The following BEND6 variants were observed in gnomAD, a reference collection of about 807,000 sequenced individuals.
The protein encoded by BEND6 is BEN domain containing 6.
In BEND6, 24 loss-of-function variants were observed where a neutral mutation model predicts 31.8. The observed-to-expected ratio is 0.75, with a 90% confidence interval of 0.55 to 1.06. The LOEUF (loss-of-function observed/expected upper bound fraction) is 1.06. BEND6 is among the 50% of genes least tolerant of loss of function. The pLI is 0.00. For synonymous variants in BEND6, 109 were observed against 114.6 expected (o/e 0.95, Z 0.31); for missense variants, 294 against 327.4 (o/e 0.90, Z 0.79).
At chr6:56,988,610 C>A (rs1826375285) in intron 2 of BEND6, among the ~76,000 whole-genome samples, 1 of 152,068 alleles carries the variant, frequency 6.6e-6, no homozygotes, top group South Asian at 2.1e-4. Context: ...AAGCTGCTGC[C>A]CATCCCAAGA....
chr6:56,959,366 A>G (rs1197548907), intron 1 of BEND6, among the ~76,000 whole-genome samples: 1 of 152,212 alleles, frequency 6.6e-6, no homozygotes, highest in Non-Finnish European at 1.5e-5. Context: ...ATTATTACCA[A>G]TTTATCTGGA....
chr6:57,008,185 G>A (rs1827226107), intron 3 of BEND6: 5 of 702,726 alleles, frequency 7.1e-6, no homozygotes, highest in Non-Finnish European at 1.3e-5. Context: ...TTACAGCTTG[G>A]TCCAGAGAGC....
At chr6:57,004,641 T>C in intron 3 of BEND6, 1 of 1,145,120 alleles carries the variant, frequency 8.7e-7, no homozygotes, top group Admixed American at 1.7e-5. Flanking sequence ...GTGGGCTGAA[T>C]GCAATGGAGT....
intron 3 of BEND6, chr6:57,004,877 G>A (rs569989064): frequency 4.9e-6 from 3 of 614,734 alleles, no homozygotes; most frequent in South Asian, 1.8e-5. Flanking sequence ...GCCAGACATG[G>A]TGGCATGTGC....
At chr6:57,023,683 G>A (rs557834122) in intron 6 of BEND6, among the ~76,000 whole-genome samples, 1 of 152,298 alleles carries the variant, frequency 6.6e-6, no homozygotes, top group East Asian at 1.9e-4. Context: ...ATGACTCACT[G>A]CAGCCTCAAC....
intron 2 of BEND6, among the ~76,000 whole-genome samples, chr6:56,986,555 AG>A (rs1452601356): frequency 5.9e-5 from 9 of 152,204 alleles, no homozygotes; most frequent in African/African-American, 2.2e-4. Context: ...CTGGCTTTCA[AG>A]TCTCTATGCT....
Position 57,027,111 on chromosome 6 carries a change from A to G in BEND6, c.*1039A>G, listed in dbSNP as rs1827927705. The G allele has an allele frequency of 6.6e-6, 1 of 152,254 alleles. No individual in the cohort carries two copies. 9.4% of individuals were successfully genotyped at this position (152,254 alleles called of 1,614,324 possible). A position where few individuals can be genotyped will look rare whatever the true frequency, so the allele number is the denominator to read the frequency against. ...TTCTCGCTTGGTGTCAGGTTGTCAC[A>G]TGTGACCACTGTGCAATGCGAAGCC... On this transcript the variant is annotated 3_prime_UTR_variant, in exon 7 of 7. Coordinates refer to ENST00000370746, the MANE Select transcript of BEND6 (RefSeq NM_152731.3).
At chr6:56,971,975 TG>T in intron 1 of BEND6, among the ~76,000 whole-genome samples, 1 of 152,264 alleles carries the variant, frequency 6.6e-6, no homozygotes, top group African/African-American at 2.4e-5. Flanking sequence ...CCAATATTCC[TG>T]TTTTTTGTTT....
At chr6:56,998,148 G>A (rs1826795584) in intron 3 of BEND6, among the ~76,000 whole-genome samples, 2 of 152,156 alleles carry the variant, frequency 1.3e-5, no homozygotes, top group South Asian at 4.1e-4. Context: ...TTTATAGCAG[G>A]CCTTCTTGTA....
chr6:57,020,605 G>A (rs939812032), intron 6 of BEND6, among the ~76,000 whole-genome samples: 1 of 151,932 alleles, frequency 6.6e-6, no homozygotes, highest in Non-Finnish European at 1.5e-5. Context: ...ATTTTTAGTA[G>A]AGACGGGGGT....
At chr6:56,969,982 G>A (rs1825632366) in intron 1 of BEND6, among the ~76,000 whole-genome samples, 1 of 152,018 alleles carries the variant, frequency 6.6e-6, no homozygotes, top group African/African-American at 2.4e-5. Flanking sequence ...TCAGTTTAAT[G>A]TGCTATGACC....
chr6:56,991,023 C>T (rs1441304321), intron 2 of BEND6, among the ~76,000 whole-genome samples: 2 of 152,120 alleles, frequency 1.3e-5, no homozygotes, highest in Non-Finnish European at 2.9e-5. Flanking sequence ...TTATCATTTT[C>T]ACCAATAATA....
At chr6:57,007,546 A>G (rs1827202256) in intron 3 of BEND6, among the ~76,000 whole-genome samples, 1 of 152,190 alleles carries the variant, frequency 6.6e-6, no homozygotes, top group Non-Finnish European at 1.5e-5. Flanking sequence ...TGATTTAAAA[A>G]TGGCCAAGAC....
intron 1 of BEND6, among the ~76,000 whole-genome samples, chr6:56,971,511 G>A (rs9464412): frequency 6.6e-6 from 1 of 152,010 alleles, no homozygotes; most frequent in African/African-American, 2.4e-5. Flanking sequence ...TGGATCATAT[G>A]GTAATTTTAT....
Position 57,001,251 on chromosome 6 carries a change from C to T in BEND6, c.298+8696C>T, listed in dbSNP as rs1033887875. Among the ~76,000 whole-genome samples the T allele has an allele frequency of 3.3e-5, 5 of 151,372 alleles. No homozygotes were observed. The East Asian group carries it at 9.7e-4, about 29-fold the overall frequency. On this transcript the variant is annotated intron_variant, in intron 3 of 6. Transcript: ENST00000370746. ...CCATCACTGCTCACTGCAACCCCTA[C>T]CTCCCAAGCTTAGGTGATCCTTCCA...
At chr6:56,965,879 G>T (rs796939498) in intron 1 of BEND6, among the ~76,000 whole-genome samples, 5 of 151,936 alleles carry the variant, frequency 3.3e-5, no homozygotes, top group African/African-American at 1.2e-4. Flanking sequence ...TGCAAAATTG[G>T]TCCAAAAGTT....
chr6:57,000,337 G>A (rs1826883319), intron 3 of BEND6, among the ~76,000 whole-genome samples: 1 of 152,106 alleles, frequency 6.6e-6, no homozygotes, highest in Non-Finnish European at 1.5e-5. Flanking sequence ...AGGGTTAAAT[G>A]GGTTAAGGGT....
chr6:56,973,301 A>G (rs1265266941), intron 1 of BEND6, among the ~76,000 whole-genome samples: 3 of 152,168 alleles, frequency 2.0e-5, no homozygotes, highest in Non-Finnish European at 4.4e-5. Context: ...TTATCAAATA[A>G]TAAATCTGCT....
chr6:57,013,909 T>C (rs967621692), intron 3 of BEND6: 1 of 152,284 alleles, frequency 6.6e-6, no homozygotes, highest in Non-Finnish European at 1.5e-5. Flanking sequence ...AACATGGACT[T>C]GGGAGGCAGC....
Sources: allele counts gnomAD v4.1 joint callset (sites outside exome capture counted in the v4.1 genomes callset), GRCh38; gene constraint gnomAD v4.1.1; transcripts MANE v1.5; gene names NCBI Gene and HGNC (gene_info 2026-07-23, HGNC 2026-07-21).